Variants in MYO5B observed in about 807,000 individuals in gnomAD.
MYO5B encodes myosin VB.
In MYO5B, 143 loss-of-function variants were observed where a neutral mutation model predicts 229.3. That is an observed-to-expected ratio of 0.62 (90% CI 0.54 to 0.72). The LOEUF is 0.72. Among genes scored for constraint, MYO5B ranks in the 30% least tolerant of loss-of-function variants. The pLI, the probability that MYO5B is intolerant of heterozygous loss-of-function variation, is 0.00. For synonymous variants in MYO5B, 918 were observed against 885.2 expected (o/e 1.04, Z -0.66); for missense variants, 2,321 against 2,331.0 (o/e 1.00, Z 0.09).
At chr18:50,118,784 C>T (rs1228447026) in intron 1 of MYO5B, among the ~76,000 whole-genome samples, 3 of 152,128 alleles carry the variant, frequency 2.0e-5, no homozygotes, top group African/African-American at 7.2e-5. Context: ...GCCACTATGC[C>T]TGGCTAATTT....
intron 2 of MYO5B, among the ~76,000 whole-genome samples, chr18:50,042,959 T>G (rs906917915): frequency 6.6e-6 from 1 of 152,168 alleles, no homozygotes; most frequent in African/African-American, 2.4e-5. Flanking sequence ...GATTCTCAGA[T>G]GAATCTCTTC....
chr18:50,001,519 C>T (rs760028680), intron 4 of MYO5B, 108 bp from the exon 5 acceptor site: 3 of 1,310,866 alleles, frequency 2.3e-6, no homozygotes, highest in Non-Finnish European at 3.3e-6. Context: ...ATCTCTCCTA[C>T]TTTAATGGAT....
intron 1 of MYO5B, among the ~76,000 whole-genome samples, chr18:50,056,549 T>A (rs2030555028): frequency 6.6e-6 from 1 of 152,192 alleles, no homozygotes; most frequent in Non-Finnish European, 1.5e-5. Flanking sequence ...TAGAATATTA[T>A]CAGGAAACCT....
intron 10 of MYO5B, among the ~76,000 whole-genome samples, chr18:49,965,438 T>C (rs1290975798): frequency 2.9e-5 from 4 of 137,278 alleles, no homozygotes; most frequent in Non-Finnish European, 4.6e-5. Flanking sequence ...CTTCTTTTCA[T>C]ACAAACACAC....
chr18:49,925,691 G>C (rs1197532912), intron 17 of MYO5B, among the ~76,000 whole-genome samples: 6 of 152,194 alleles, frequency 3.9e-5, no homozygotes, highest in African/African-American at 1.4e-4. Context: ...AGTGCAGCCA[G>C]GAGCAGGAGT....
At chr18:49,856,955 T>C in intron 29 of MYO5B, 65 bp from the exon 30 acceptor site, 1 of 1,372,894 alleles carries the variant, frequency 7.3e-7, no homozygotes. Context: ...AGGCAGGGAG[T>C]CCTGGAAAGT....
chr18:50,021,070 C>G (rs1441366944), intron 4 of MYO5B, among the ~76,000 whole-genome samples: 1 of 152,194 alleles, frequency 6.6e-6, no homozygotes, highest in East Asian at 1.9e-4. Context: ...GAAATCCACA[C>G]TGGTTCTGCA....
chr18:50,104,157 A>G (rs2144506661), intron 1 of MYO5B, among the ~76,000 whole-genome samples: 1 of 121,788 alleles, frequency 8.2e-6, no homozygotes, highest in East Asian at 2.3e-4. Context: ...ACAGATGAGA[A>G]CTTGTCTATT....
At chr18:49,954,997 C>A (rs1405653120) in intron 12 of MYO5B, among the ~76,000 whole-genome samples, 1 of 152,198 alleles carries the variant, frequency 6.6e-6, no homozygotes, top group Non-Finnish European at 1.5e-5. Flanking sequence ...CTTACACATG[C>A]CCTAGAATAT....
At chr18:49,833,494 G>C (rs1288170532) in intron 39 of MYO5B, among the ~76,000 whole-genome samples, 5 of 116,664 alleles carry the variant, frequency 4.3e-5, no homozygotes, top group South Asian at 3.1e-4. Flanking sequence ...GATTACTGAG[G>C]AAGATTCAGA....
chr18:50,026,250 T>C (rs1442494813), intron 4 of MYO5B, among the ~76,000 whole-genome samples: 1 of 152,154 alleles, frequency 6.6e-6, no homozygotes, highest in East Asian at 1.9e-4. Context: ...TACAATCAAA[T>C]AATTATTTGG....
chr18:50,052,955 C>A (rs1386634903), intron 2 of MYO5B, among the ~76,000 whole-genome samples: 1 of 152,184 alleles, frequency 6.6e-6, no homozygotes, highest in Admixed American at 6.5e-5. Context: ...GCAGTGAAAC[C>A]CACACTATTG....
chr18:49,909,836 A>T (rs1213908795), intron 18 of MYO5B, among the ~76,000 whole-genome samples: 2 of 152,200 alleles, frequency 1.3e-5, no homozygotes, highest in African/African-American at 2.4e-5. Flanking sequence ...CAGGCAGAGG[A>T]AACAGCATGT....
Position 49,823,640 on chromosome 18 carries a change from C to T in MYO5B, c.*2831G>A, listed in dbSNP as rs2023800808. 6.6e-6 allele frequency: 1 copy of T among 152,266 alleles called. No individual in the cohort carries two copies. Among genetic ancestry groups the T allele is most frequent in the South Asian group, 2.1e-4 (1 of 4,824 alleles). The allele number at this position is 152,266 out of a possible 1,614,324, so 9.4% of individuals were successfully genotyped here. On this transcript the variant is annotated 3_prime_UTR_variant, in exon 40 of 40. Coordinates refer to ENST00000285039, the MANE Select transcript of MYO5B (RefSeq NM_001080467.3). Reference sequence around the variant, plus strand: ...CTAGGGAAATCAAAGGAAGCAACTCCCACTGACATGCTTCATGGAAAGGGG... The same window carrying T: ...CTAGGGAAATCAAAGGAAGCAACTCTCACTGACATGCTTCATGGAAAGGGG...
chr18:49,972,053 G>A (rs938791639), intron 10 of MYO5B, among the ~76,000 whole-genome samples: 1 of 152,124 alleles, frequency 6.6e-6, no homozygotes, highest in African/African-American at 2.4e-5. Flanking sequence ...TGGAAGAGCT[G>A]TCAGATAGTC....
At chr18:50,140,605 A>G (rs2144285657) in intron 1 of MYO5B, among the ~76,000 whole-genome samples, 1 of 152,344 alleles carries the variant, frequency 6.6e-6, no homozygotes, top group East Asian at 1.9e-4. Context: ...CCAAAGAGGC[A>G]AACAGCCTCC....
chr18:49,939,091 A>G (rs2025283397), intron 14 of MYO5B, among the ~76,000 whole-genome samples: 3 of 151,210 alleles, frequency 2.0e-5, no homozygotes, highest in African/African-American at 7.3e-5. Context: ...CTCAGACATT[A>G]TCTAGTTTTA....
chr18:50,115,348 T>C (rs1253786999), intron 1 of MYO5B, among the ~76,000 whole-genome samples: 1 of 152,184 alleles, frequency 6.6e-6, no homozygotes, highest in African/African-American at 2.4e-5. Context: ...TCTATGGAAT[T>C]CAATCTTACG....
At chr18:50,032,721 C>T (rs992733843) in intron 4 of MYO5B, among the ~76,000 whole-genome samples, 1 of 152,234 alleles carries the variant, frequency 6.6e-6, no homozygotes, top group African/African-American at 2.4e-5. Flanking sequence ...CATGGAGGCT[C>T]ATGCCTATAA....
Sources: allele counts gnomAD v4.1 joint callset (sites outside exome capture counted in the v4.1 genomes callset), GRCh38; gene constraint gnomAD v4.1.1; transcripts MANE v1.5; gene names NCBI Gene and HGNC (gene_info 2026-07-23, HGNC 2026-07-21).